PPM1E: variants seen among roughly 807,000 people sequenced by gnomAD.
The protein encoded by PPM1E is protein phosphatase 1E.
PPM1E carries 20 observed loss-of-function variants against 65.9 expected under a neutral mutation model. The ratio of observed to expected loss-of-function variants is 0.30; its 90% CI spans 0.21 to 0.44. The LOEUF (loss-of-function observed/expected upper bound fraction) is 0.44. PPM1E is among the 20% of genes least tolerant of loss of function. The probability of loss-of-function intolerance (pLI) is 1.00; values close to 1 mark genes in which losing one functional copy is unlikely to be tolerated. For synonymous variants in PPM1E, 352 were observed against 374.9 expected (o/e 0.94, Z 0.70); for missense variants, 713 against 953.1 (o/e 0.75, Z 3.32).
chr17:58,832,150 T>G (rs778419302), intron 1 of PPM1E, among the ~76,000 whole-genome samples: 2 of 152,198 alleles, frequency 1.3e-5, no homozygotes, highest in Non-Finnish European at 2.9e-5. Flanking sequence ...TATTAGAACT[T>G]TAGTATTTTT....
chr17:58,982,990 TAA>T lies in PPM1E; in HGVS notation c.*1968_*1969del. 1.4e-5 allele frequency: 17 copies of T among 1,259,194 alleles called. No individual in the cohort carries two copies. Among genetic ancestry groups the T allele is most frequent in the African/African-American group, 3.1e-5 (2 of 64,008 alleles). The allele number at this position is 1,259,194 out of a possible 1,614,324, so 78.0% of individuals were successfully genotyped here. A position where few individuals can be genotyped will look rare whatever the true frequency, so the allele number is the denominator to read the frequency against. On this transcript the variant is annotated 3_prime_UTR_variant, in exon 7 of 7. Coordinates refer to ENST00000308249, the MANE Select transcript of PPM1E (RefSeq NM_014906.5). ...TTATAGTCCAAAGTGCTTAGCGAAG[TAA>T]AAAAAAAAGCTTTTTAAAATTTCTA...
intron 1 of PPM1E, among the ~76,000 whole-genome samples, chr17:58,780,845 A>G (rs1567831531): frequency 6.6e-6 from 1 of 152,142 alleles, no homozygotes; most frequent in Non-Finnish European, 1.5e-5. Flanking sequence ...GTTCCTCTAG[A>G]TATTTATAGC....
intron 1 of PPM1E, among the ~76,000 whole-genome samples, chr17:58,800,509 T>C (rs1462659689): frequency 6.6e-6 from 1 of 152,190 alleles, no homozygotes; most frequent in Non-Finnish European, 1.5e-5. Context: ...GTTATTTCTC[T>C]AAGTGTTTGA....
chr17:58,875,908 A>T (rs532126226), intron 1 of PPM1E, among the ~76,000 whole-genome samples: 1 of 152,332 alleles, frequency 6.6e-6, no homozygotes, highest in African/African-American at 2.4e-5. Context: ...TACTATCATT[A>T]ATGAGAGATA....
At chr17:58,820,438 A>G (rs934652627) in intron 1 of PPM1E, among the ~76,000 whole-genome samples, 4 of 152,190 alleles carry the variant, frequency 2.6e-5, no homozygotes, top group Non-Finnish European at 5.9e-5. Context: ...ATTAAAGAAG[A>G]TAATAATAAT....
intron 1 of PPM1E, among the ~76,000 whole-genome samples, chr17:58,841,833 G>C (rs1359900879): frequency 6.6e-6 from 1 of 152,060 alleles, no homozygotes; most frequent in Admixed American, 6.6e-5. Context: ...TCAGCCTCCT[G>C]AGTAGCTAGG....
intron 1 of PPM1E, among the ~76,000 whole-genome samples, chr17:58,900,147 G>T (rs185277854): frequency 0.013 from 2,053 of 152,104 alleles, 25 homozygotes; most frequent in Non-Finnish European, 0.022. Flanking sequence ...TAATAACAAA[G>T]GATTTAGAAT....
At chr17:58,924,442 T>C (rs1342290045) in intron 1 of PPM1E, among the ~76,000 whole-genome samples, 1 of 152,122 alleles carries the variant, frequency 6.6e-6, no homozygotes, top group Non-Finnish European at 1.5e-5. Flanking sequence ...CTCCAGCTGC[T>C]CAAGAGGCTG....
rs536312021 is a variant in PPM1E, at chr17:58,885,696, G to A, written c.465-69953G>A. Among the ~76,000 whole-genome samples, 36 of 152,262 alleles carry A rather than the reference G, an allele frequency of 2.4e-4. No individual in the cohort carries two copies. The South Asian group carries it at 7.5e-3, about 32-fold the overall frequency. On this transcript the variant is annotated intron_variant, in intron 1 of 6. Coordinates refer to ENST00000308249, the MANE Select transcript of PPM1E (RefSeq NM_014906.5). ...GTGGGAGAGTGGGTAGGGGAATTAA[G>A]TCCCACCCTTTGGTATTTCAAGAAA...
chr17:58,818,995 A>G lies in PPM1E; in HGVS notation c.464+62534A>G, dbSNP rs528374275. 1.1e-4 allele frequency among the ~76,000 whole-genome samples: 17 copies of G among 152,334 alleles called. No homozygotes were observed. The South Asian group carries it at 2.9e-3, about 26-fold the overall frequency. ...GCCACTACACTCCAGCCTGGACAACATGGGCTCCGTGGCTAAAATAAGAAC... is the reference window on the plus strand; with the variant it reads ...GCCACTACACTCCAGCCTGGACAACGTGGGCTCCGTGGCTAAAATAAGAAC... On this transcript the variant is annotated intron_variant, in intron 1 of 6. Coordinates refer to ENST00000308249, the MANE Select transcript of PPM1E (RefSeq NM_014906.5).
At chr17:58,922,181 T>C (rs2051761641) in intron 1 of PPM1E, among the ~76,000 whole-genome samples, 1 of 151,918 alleles carries the variant, frequency 6.6e-6, no homozygotes, top group Non-Finnish European at 1.5e-5. Flanking sequence ...AGTTGATTTT[T>C]TTTTTTTTAA....
chr17:58,805,641 C>T (rs2143070408), intron 1 of PPM1E, among the ~76,000 whole-genome samples: 1 of 152,098 alleles, frequency 6.6e-6, no homozygotes, highest in Middle Eastern at 3.4e-3. Context: ...CTATATACTA[C>T]CATTTTTTCC....
intron 1 of PPM1E, among the ~76,000 whole-genome samples, chr17:58,833,593 G>T (rs758452185): frequency 6.6e-6 from 1 of 151,920 alleles, no homozygotes; most frequent in African/African-American, 2.4e-5. Context: ...GTATTCTGTG[G>T]TGTATATGCA....
chr17:58,812,595 T>C (rs953405646), intron 1 of PPM1E, among the ~76,000 whole-genome samples: 11 of 152,194 alleles, frequency 7.2e-5, no homozygotes, highest in Non-Finnish European at 1.5e-4. Flanking sequence ...GGAGTCATGC[T>C]CTGTCGCCCG....
rs564091406 is a variant in PPM1E, at chr17:58,885,711, A to T, written c.465-69938A>T. Among the ~76,000 whole-genome samples, 59 of 152,222 alleles carry T rather than the reference A, an allele frequency of 3.9e-4. 1 individual carries two copies. Among genetic ancestry groups the T allele is most frequent in the South Asian group, 1.9e-3 (9 of 4,826 alleles). On this transcript the variant is annotated intron_variant, in intron 1 of 6. Coordinates refer to ENST00000308249, the MANE Select transcript of PPM1E (RefSeq NM_014906.5). ...GGGGAATTAAGTCCCACCCTTTGGTATTTCAAGAAATCCATTTGTTTTCTA... is the reference window on the plus strand; with the variant it reads ...GGGGAATTAAGTCCCACCCTTTGGTTTTTCAAGAAATCCATTTGTTTTCTA...
intron 1 of PPM1E, among the ~76,000 whole-genome samples, chr17:58,894,530 A>C (rs1341869507): frequency 6.6e-6 from 1 of 152,164 alleles, no homozygotes; most frequent in African/African-American, 2.4e-5. Context: ...TTGATTTTGC[A>C]CCATCAGTGA....
chr17:58,816,739 TAA>T (rs1372469252), intron 1 of PPM1E, among the ~76,000 whole-genome samples: 2 of 104,876 alleles, frequency 1.9e-5, no homozygotes, highest in Non-Finnish European at 3.7e-5. Flanking sequence ...TATCAGAATA[TAA>T]ATATATATAT....
At chr17:58,833,667 T>C (rs1433577939) in intron 1 of PPM1E, among the ~76,000 whole-genome samples, 2 of 152,184 alleles carry the variant, frequency 1.3e-5, no homozygotes, top group Non-Finnish European at 2.9e-5. Context: ...TCTTTGCTAT[T>C]GTGAATAGTG....
intron 1 of PPM1E, among the ~76,000 whole-genome samples, chr17:58,762,236 T>C (rs1367388687): frequency 2.0e-5 from 3 of 152,164 alleles, no homozygotes; most frequent in Non-Finnish European, 4.4e-5. Context: ...TGGTGGCTCA[T>C]TCCTGTAATC....
Sources: gnomAD v4.1 joint callset for allele counts (sites outside exome capture counted in the v4.1 genomes callset) on GRCh38, gnomAD v4.1.1 for gene constraint, MANE v1.5 for transcripts, NCBI Gene and HGNC (gene_info 2026-07-23, HGNC 2026-07-21) for gene names.